The following MGAT4C variants were observed in gnomAD, a reference collection of about 807,000 sequenced individuals.
MGAT4C encodes the protein alpha-1,3-mannosyl-glycoprotein 4-beta-N-acetylglucosaminyltransferase C.
MGAT4C carries 19 observed loss-of-function variants against 40.1 expected under a neutral mutation model. That is an observed-to-expected ratio of 0.47 (90% CI 0.33 to 0.70). MGAT4C has a LOEUF of 0.70. Ranked by LOEUF, MGAT4C falls within the 30% of genes least tolerant of loss-of-function variation. The pLI is 0.02. For missense variants in MGAT4C, 491 were observed against 563.2 expected, an observed-to-expected ratio of 0.87 and a Z score of 1.30; for synonymous variants, 181 against 187.1, an observed-to-expected ratio of 0.97 and a Z score of 0.27.
intron 2 of MGAT4C, chr12:86,001,695 G>T (rs1226151706): frequency 5.9e-5 from 54 of 915,746 alleles, no homozygotes; most frequent in Non-Finnish European, 6.9e-5. Context: ...TGTTAGGAAG[G>T]TACTGGCTGA....
chr12:86,763,895 G>A (rs551448922), intron 1 of MGAT4C, among the ~76,000 whole-genome samples: 17 of 152,242 alleles, frequency 1.1e-4, no homozygotes, highest in African/African-American at 2.6e-4. Context: ...CAAGACGGCC[G>A]AATAGGAACA....
intron 2 of MGAT4C, among the ~76,000 whole-genome samples, chr12:86,595,604 A>G (rs1389280193): frequency 6.6e-6 from 1 of 152,070 alleles, no homozygotes; most frequent in African/African-American, 2.4e-5. Flanking sequence ...ACCAAACATC[A>G]GTCTATGATA....
intron 2 of MGAT4C, among the ~76,000 whole-genome samples, chr12:86,704,836 G>T (rs1950426866): frequency 6.6e-6 from 1 of 152,094 alleles, no homozygotes; most frequent in African/African-American, 2.4e-5. Context: ...GTGATAACAA[G>T]ATACACACAC....
At chr12:86,069,820 T>C (rs991805449) in intron 1 of MGAT4C, among the ~76,000 whole-genome samples, 3 of 151,882 alleles carry the variant, frequency 2.0e-5, no homozygotes, top group African/African-American at 7.3e-5. Flanking sequence ...TCGGGCAATG[T>C]TTTTTTTCCC....
intron 1 of MGAT4C, among the ~76,000 whole-genome samples, chr12:86,770,804 A>T (rs1212394990): frequency 6.6e-6 from 1 of 152,156 alleles, no homozygotes; most frequent in Non-Finnish European, 1.5e-5. Context: ...TAATTTTGGA[A>T]TTAAGTGTAT....
intron 1 of MGAT4C, among the ~76,000 whole-genome samples, chr12:86,207,544 A>C (rs562669305): frequency 8.0e-5 from 12 of 150,592 alleles, no homozygotes; most frequent in Middle Eastern, 3.4e-3. Context: ...TGTCAGGTAC[A>C]AAAATACAAT....
At chr12:86,167,143 T>G (rs562350760) in intron 1 of MGAT4C, among the ~76,000 whole-genome samples, 1 of 152,192 alleles carries the variant, frequency 6.6e-6, no homozygotes, top group Non-Finnish European at 1.5e-5. Flanking sequence ...AGGTTTCTTA[T>G]TCTATCAACA....
intron 2 of MGAT4C, among the ~76,000 whole-genome samples, chr12:86,537,206 C>T (rs1422799799): frequency 1.3e-5 from 2 of 151,728 alleles, no homozygotes; most frequent in Admixed American, 6.6e-5. Context: ...GAACATCACA[C>T]ATCAGGGCCT....
chr12:86,812,085 A>C (rs1952488652), intron 1 of MGAT4C, among the ~76,000 whole-genome samples: 1 of 152,178 alleles, frequency 6.6e-6, no homozygotes, highest in African/African-American at 2.4e-5. Flanking sequence ...TGTGTGTTTA[A>C]TTTTCATGTG....
chr12:86,086,304 C>T lies in MGAT4C; in HGVS notation c.-56-36581G>A, dbSNP rs1241790451. 2.0e-5 allele frequency among the ~76,000 whole-genome samples: 3 copies of T among 152,182 alleles called. No individual in the cohort carries two copies. The South Asian group carries it at 6.2e-4, about 32-fold the overall frequency. ...TAACACAGGAACAGAAAACCAAACA[C>T]TGCATATTCTCAGTCATAAGGGAGT... On this transcript the variant is annotated intron_variant, in intron 1 of 4. Coordinates refer to ENST00000611864, the MANE Select transcript of MGAT4C (RefSeq NM_001351288.2).
At chr12:86,121,329 AT>A (rs1323563488) in intron 1 of MGAT4C, among the ~76,000 whole-genome samples, 3 of 152,236 alleles carry the variant, frequency 2.0e-5, no homozygotes, top group Non-Finnish European at 4.4e-5. Flanking sequence ...TCTTCAGGAT[AT>A]TATTCAGGAG....
chr12:86,430,431 G>A (rs1957011874), intron 3 of MGAT4C, among the ~76,000 whole-genome samples: 1 of 152,064 alleles, frequency 6.6e-6, no homozygotes, highest in African/African-American at 2.4e-5. Flanking sequence ...ATTTAATCTA[G>A]CCTCTGATTT....
intron 4 of MGAT4C, among the ~76,000 whole-genome samples, chr12:86,302,976 C>G (rs1345992937): frequency 6.6e-6 from 1 of 150,554 alleles, no homozygotes; most frequent in African/African-American, 2.5e-5. Context: ...CTAACTCTTC[C>G]CGCACATTTT....
At chr12:86,122,086 T>A (rs574804530) in intron 1 of MGAT4C, among the ~76,000 whole-genome samples, 2 of 152,332 alleles carry the variant, frequency 1.3e-5, no homozygotes, top group Admixed American at 6.5e-5. Flanking sequence ...AAACTCGAGC[T>A]GCTATAATTA....
intron 1 of MGAT4C, among the ~76,000 whole-genome samples, chr12:86,784,153 C>T (rs1260455136): frequency 1.3e-5 from 2 of 152,046 alleles, no homozygotes; most frequent in African/African-American, 2.4e-5. Context: ...ATAATGCTAT[C>T]GTTCCCCTAG....
intron 2 of MGAT4C, among the ~76,000 whole-genome samples, chr12:86,558,723 G>C (rs1959728507): frequency 6.6e-6 from 1 of 151,948 alleles, no homozygotes; most frequent in African/African-American, 2.4e-5. Context: ...CTCACTCATA[G>C]AGCAGATACA....
chr12:86,055,038 A>T (rs1387756227), intron 1 of MGAT4C, among the ~76,000 whole-genome samples: 2 of 151,956 alleles, frequency 1.3e-5, no homozygotes, highest in Non-Finnish European at 2.9e-5. Context: ...AGAACATAAG[A>T]CCCTTTCTAT....
At chr12:86,288,584 CA>C (rs1953419068) in intron 4 of MGAT4C, among the ~76,000 whole-genome samples, 1 of 152,132 alleles carries the variant, frequency 6.6e-6, no homozygotes, top group Non-Finnish European at 1.5e-5. Flanking sequence ...ATTTTCCCAA[CA>C]CCATTTATTA....
intron 1 of MGAT4C, among the ~76,000 whole-genome samples, chr12:86,814,060 A>C (rs1952533913): frequency 6.6e-6 from 1 of 151,596 alleles, no homozygotes; most frequent in African/African-American, 2.4e-5. Context: ...ACAGGTGCAC[A>C]CTGCCACGCC....
Sources: gnomAD v4.1 joint callset for allele counts (sites outside exome capture counted in the v4.1 genomes callset) on GRCh38, gnomAD v4.1.1 for gene constraint, MANE v1.5 for transcripts, NCBI Gene and HGNC (gene_info 2026-07-23, HGNC 2026-07-21) for gene names.